Variants in MEIS2 observed in about 807,000 individuals in gnomAD.
The protein encoded by MEIS2 is homeobox protein Meis2.
MEIS2 carries 9 observed loss-of-function variants against 58.6 expected under a neutral mutation model. The observed-to-expected ratio is 0.15, with a 90% CI of 0.09 to 0.27. The LOEUF (loss-of-function observed/expected upper bound fraction) is 0.27. Ranked by LOEUF, MEIS2 falls within the 10% of genes least tolerant of loss-of-function variation. The probability of loss-of-function intolerance (pLI) is 1.00; values close to 1 mark genes in which losing one functional copy is unlikely to be tolerated. For synonymous variants in MEIS2, 221 were observed against 228.4 expected (o/e 0.97, Z 0.29); for missense variants, 427 against 635.0 (o/e 0.67, Z 3.52).
intron 7 of MEIS2, among the ~76,000 whole-genome samples, chr15:37,069,764 T>A (rs1042921253): frequency 6.6e-6 from 1 of 152,112 alleles, no homozygotes; most frequent in African/African-American, 2.4e-5. Flanking sequence ...GCAACACCCA[T>A]CAGTGGCAAC....
At chr15:36,976,368 G>A (rs1322257285) in intron 8 of MEIS2, among the ~76,000 whole-genome samples, 4 of 151,970 alleles carry the variant, frequency 2.6e-5, no homozygotes, top group African/African-American at 4.8e-5. Flanking sequence ...ACAGGCGTGA[G>A]CCACCGCGCC....
intron 9 of MEIS2, among the ~76,000 whole-genome samples, chr15:36,907,715 G>A (rs866825454): frequency 7.9e-5 from 12 of 152,074 alleles, no homozygotes; most frequent in African/African-American, 1.9e-4. Context: ...ACTTTTAAAG[G>A]GAACCATAAG....
At chr15:36,920,394 G>A (rs901255559) in intron 9 of MEIS2, among the ~76,000 whole-genome samples, 3 of 152,228 alleles carry the variant, frequency 2.0e-5, no homozygotes, top group South Asian at 2.1e-4. Context: ...TGATCCACCC[G>A]CCTCGGCCTC....
At chr15:37,022,898 AC>A (rs1363006880) in intron 8 of MEIS2, among the ~76,000 whole-genome samples, 1 of 145,472 alleles carries the variant, frequency 6.9e-6, no homozygotes, top group East Asian at 2.1e-4. Flanking sequence ...CTCGTGATAC[AC>A]CCTCCTCGGC....
At chr15:37,022,116 A>T (rs941112781) in intron 8 of MEIS2, among the ~76,000 whole-genome samples, 1 of 152,064 alleles carries the variant, frequency 6.6e-6, no homozygotes, top group African/African-American at 2.4e-5. Context: ...TCTTCATGAC[A>T]AACTCCTAGA....
chr15:37,062,453 G>A (rs1379337649), intron 7 of MEIS2, among the ~76,000 whole-genome samples: 1 of 152,132 alleles, frequency 6.6e-6, no homozygotes, highest in Admixed American at 6.5e-5. Flanking sequence ...GCCACAGAAG[G>A]GATGGTATAC....
chr15:36,933,102 C>T (rs750255504), intron 9 of MEIS2, among the ~76,000 whole-genome samples: 17 of 152,008 alleles, frequency 1.1e-4, no homozygotes, highest in African/African-American at 1.7e-4. Context: ...CTGAGAGGGG[C>T]GGGATAGTCT....
chr15:36,934,277 T>C (rs1233051688), intron 9 of MEIS2, among the ~76,000 whole-genome samples: 5 of 151,978 alleles, frequency 3.3e-5, no homozygotes, highest in Non-Finnish European at 5.9e-5. Flanking sequence ...TTTTTTTTTT[T>C]CCTCCGTAAC....
chr15:36,975,194 A>G (rs2059699033), intron 8 of MEIS2, among the ~76,000 whole-genome samples: 1 of 152,240 alleles, frequency 6.6e-6, no homozygotes, highest in Non-Finnish European at 1.5e-5. Context: ...TCCGTGGAAT[A>G]GCTCAATAAC....
At chr15:37,036,699 A>T (rs559305895) in intron 8 of MEIS2, 115 bp downstream of exon 8, 110 of 1,215,392 alleles carry the variant, frequency 9.1e-5, no homozygotes, top group Non-Finnish European at 1.2e-4. Context: ...TAGTCATCAG[A>T]TTTCAAGAAT....
chr15:36,913,056 C>T (rs975237021), intron 9 of MEIS2, among the ~76,000 whole-genome samples: 2 of 151,996 alleles, frequency 1.3e-5, no homozygotes, highest in African/African-American at 4.8e-5. Flanking sequence ...TATGGACATA[C>T]AAAATAACAC....
intron 8 of MEIS2, among the ~76,000 whole-genome samples, chr15:36,957,350 T>C (rs1483823757): frequency 6.6e-6 from 1 of 152,148 alleles, no homozygotes; most frequent in East Asian, 1.9e-4. Context: ...TAATGAAAAA[T>C]AATACAAAAA....
At chr15:37,040,098 T>C (rs2062356660) in intron 7 of MEIS2, among the ~76,000 whole-genome samples, 1 of 148,574 alleles carries the variant, frequency 6.7e-6, no homozygotes, top group South Asian at 2.2e-4. Flanking sequence ...GTGTGTGTGG[T>C]TGTGTGTATA....
intron 7 of MEIS2, among the ~76,000 whole-genome samples, chr15:37,082,188 T>C (rs891860393): frequency 2.6e-5 from 4 of 152,168 alleles, no homozygotes; most frequent in African/African-American, 9.7e-5. Context: ...GAGTCAGAAA[T>C]GCTTGAAGCG....
At chr15:37,083,632 T>C in intron 7 of MEIS2, 139 bp downstream of exon 7, 1 of 564,360 alleles carries the variant, frequency 1.8e-6, no homozygotes, top group Non-Finnish European at 3.0e-6. Flanking sequence ...GGAAATACTG[T>C]CTCTTTAAAT....
chr15:36,901,066 A>T (rs1415915455), intron 9 of MEIS2: 1 of 152,310 alleles, frequency 6.6e-6, no homozygotes, highest in African/African-American at 2.4e-5. Flanking sequence ...AAGATTCTGC[A>T]TGGATTGCTT....
rs546178068 is a variant in MEIS2 at position 37,069,336 on chromosome 15, T to C, written c.754+14435A>G. On this transcript the variant is annotated intron_variant, in intron 7 of 11. Transcript: ENST00000561208. ...TATGTCTATGTTCCTATGTATAAAA[T>C]AGGAAGAACATTCTTTAGAGGTATT... is the stretch of plus-strand genomic sequence containing the variant. Among the ~76,000 whole-genome samples the C allele has an allele frequency of 5.9e-5, 9 of 152,328 alleles. 1 individual carries two copies. The South Asian group carries it at 1.9e-3, about 32-fold the overall frequency.
intron 7 of MEIS2, among the ~76,000 whole-genome samples, chr15:37,077,162 A>T (rs1192911554): frequency 6.6e-6 from 1 of 152,138 alleles, no homozygotes; most frequent in Non-Finnish European, 1.5e-5. Flanking sequence ...TGACATATCA[A>T]AGCTCAAGGA....
At position 36,972,608 on chromosome 15, in the gene MEIS2, A is replaced by AT. The variant is rs111672847; in HGVS notation, c.901-22209dup. Among the ~76,000 whole-genome samples, 228 of 152,192 alleles carry AT rather than the reference A, an allele frequency of 1.5e-3. 1 individual carries two copies. The highest frequency in any genetic ancestry group is 5.4e-3 in the African/African-American group (223 of 41,506). On this transcript the variant is annotated intron_variant, in intron 8 of 11. Transcript: ENST00000561208. The stretch of plus-strand genomic sequence containing the variant: ...TTATGTGTCTTATGCCTTTTAAAAT[A>AT]TTTTTTGTCCTGTTTTCTCCTTCTT...
Sources: gnomAD v4.1 joint callset for allele counts (sites outside exome capture counted in the v4.1 genomes callset) on GRCh38, gnomAD v4.1.1 for gene constraint, MANE v1.5 for transcripts, NCBI Gene and HGNC (gene_info 2026-07-23, HGNC 2026-07-21) for gene names.